The following DYSF variants were observed in gnomAD, a reference collection of about 807,000 sequenced individuals.
The protein encoded by DYSF is dysferlin.
A neutral mutation model predicts 274.9 loss-of-function variants in DYSF; 212 were observed. The observed-to-expected ratio is 0.77, with a 90% CI of 0.69 to 0.86. The LOEUF is 0.86. Among genes scored for constraint, DYSF ranks in the 40% least tolerant of loss-of-function variants. The pLI, the probability that DYSF is intolerant of heterozygous loss-of-function variation, is 0.00. For synonymous variants in DYSF, 1,091 were observed against 1,078.7 expected, an observed-to-expected ratio of 1.01 and a Z score of -0.22; for missense variants, 2,666 against 2,783.2, an observed-to-expected ratio of 0.96 and a Z score of 0.95.
chr2:71,569,125 C>T (rs999841017), intron 26 of DYSF, among the ~76,000 whole-genome samples: 12 of 150,742 alleles, frequency 8.0e-5, no homozygotes, highest in African/African-American at 2.2e-4. Flanking sequence ...CCACCCGCCT[C>T]GGCCTCCCAA....
intron 36 of DYSF, among the ~76,000 whole-genome samples, chr2:71,605,110 T>C (rs2093622252): frequency 6.6e-6 from 1 of 152,174 alleles, no homozygotes; most frequent in Non-Finnish European, 1.5e-5. Flanking sequence ...AAGGGTTTCC[T>C]TTTCGCTCTC....
intron 42 of DYSF, 45 bp from the exon 43 acceptor site, chr2:71,656,117 T>G (rs200852035): frequency 6.2e-7 from 1 of 1,613,326 alleles, no homozygotes; most frequent in Non-Finnish European, 8.5e-7. Flanking sequence ...TTGTTCTACT[T>G]TCTTTCTGTC....
chr2:71,620,209 GGGCAAGAGTCA>G (rs1458551537), intron 40 of DYSF, among the ~76,000 whole-genome samples: 1 of 152,168 alleles, frequency 6.6e-6, no homozygotes, highest in African/African-American at 2.4e-5. Flanking sequence ...ATGAGAGAGT[GGGCAAGAGTCA>G]GGCATTGGCT....
intron 1 of DYSF, 76 bp from the exon 2 acceptor site, chr2:71,480,807 C>T (rs2082819598): frequency 5.7e-6 from 8 of 1,391,308 alleles, no homozygotes; most frequent in African/African-American, 1.4e-5. Flanking sequence ...GCACAGGTCT[C>T]AGAAGCTGAG....
rs373185538 is a variant in DYSF at position 71,569,826 on chromosome 2, C to A, written c.2871C>A (p.Leu957=). 2.2e-5 allele frequency: 36 copies of A among 1,613,644 alleles called. No homozygotes were observed. Among genetic ancestry groups the A allele is most frequent in the Non-Finnish European group, 3.0e-5 (35 of 1,179,896 alleles). Reference sequence around the variant, plus strand: ...GACCAGCCCTCCTCCACAGTCTGCTCCATGACATGGACGCCGGTCACCTGA... The same window carrying A: ...GACCAGCCCTCCTCCACAGTCTGCTACATGACATGGACGCCGGTCACCTGA... The part of the protein sequence containing the change: ...DWFVCPEKTL[L]HDMDAGHLSF... Residue 957 remains leucine (L), a synonymous_variant, in exon 27 of 56, where the codon CTC becomes CTA. Transcript: ENST00000410020.
Position 71,574,282 on chromosome 2 carries a change from G to C in DYSF, c.3313G>C (p.Asp1105His), listed in dbSNP as rs767715500. 7 of 1,614,022 alleles carry C rather than the reference G, an allele frequency of 4.3e-6. No homozygotes were observed. The South Asian group carries it at 7.7e-5, about 18-fold the overall frequency. Residue 1105 changes from aspartate (D) to histidine (H), a missense_variant, in exon 30 of 56, where the codon GAT (aspartate) becomes CAT (histidine). Coordinates refer to ENST00000410020, the MANE Select transcript of DYSF (RefSeq NM_001130987.2). ...WKFHLEYRKT[D>H]AFRRRRWRRR... Reference sequence around the variant, plus strand: ...GTTCCACCTCGAGTACCGCAAGACAGATGCCTTCCGCCGCCGCCGCTGGCG... The same window carrying C: ...GTTCCACCTCGAGTACCGCAAGACACATGCCTTCCGCCGCCGCCGCTGGCG...
intron 17 of DYSF, among the ~76,000 whole-genome samples, chr2:71,540,104 C>CTTT (rs1240221196): frequency 1.4e-4 from 20 of 146,462 alleles, no homozygotes; most frequent in African/African-American, 4.7e-4. Context: ...AAGATTTCAA[C>CTTT]TTTTTTTTTC....
chr2:71,575,027 C>A (rs1377930677), intron 30 of DYSF, among the ~76,000 whole-genome samples: 3 of 152,178 alleles, frequency 2.0e-5, no homozygotes, highest in African/African-American at 7.2e-5. Context: ...GGAGCTGCTC[C>A]CTCTGAAATC....
intron 42 of DYSF, among the ~76,000 whole-genome samples, chr2:71,649,657 A>G (rs1250660293): frequency 5.3e-5 from 8 of 152,196 alleles, no homozygotes; most frequent in Non-Finnish European, 1.2e-4. Flanking sequence ...TCCGCCCCAC[A>G]CACAGAAAGT....
rs574691489 is a variant in DYSF at position 71,620,161 on chromosome 2, C to T, written c.4465-386C>T. ...GTTAGGATGCTGGGGTTGGAGTGTC[C>T]CTGAAATAGGCAGATTTTGGAGAGG... On this transcript the variant is annotated intron_variant, in intron 40 of 55. Coordinates refer to ENST00000410020, the MANE Select transcript of DYSF (RefSeq NM_001130987.2). Among the ~76,000 whole-genome samples the T allele has an allele frequency of 1.3e-3, 201 of 152,102 alleles. 1 individual carries two copies. The highest frequency in any genetic ancestry group is 4.7e-3 in the African/African-American group (196 of 41,486).
intron 43 of DYSF, among the ~76,000 whole-genome samples, chr2:71,658,229 C>G (rs765517889): frequency 7.9e-5 from 12 of 152,216 alleles, no homozygotes; most frequent in Non-Finnish European, 1.2e-4. Context: ...GTCACCTTTG[C>G]TCCAGTTCCC....
intron 40 of DYSF, among the ~76,000 whole-genome samples, chr2:71,617,716 G>T (rs2093923946): frequency 6.8e-6 from 1 of 147,942 alleles, no homozygotes; most frequent in Admixed American, 6.7e-5. Context: ...TAGAGGTGGG[G>T]TGTGTGTGTG....
In DYSF at chr2:71,640,513, A is replaced by G. The variant is rs1572900354; in HGVS notation, c.4528-3452A>G. Among the ~76,000 whole-genome samples the G allele has an allele frequency of 3.3e-5, 5 of 152,272 alleles. No homozygotes were observed. In the East Asian group the frequency reaches 7.7e-4, roughly 23 times the overall value. On this transcript the variant is annotated intron_variant, in intron 41 of 55. Transcript: ENST00000410020. ...CAATTGTAGCTGAAACCTGCTACAA[A>G]ATATATTGATATTTAAATTACCAAA...
intron 31 of DYSF, 38 bp from the exon 32 acceptor site, chr2:71,590,173 C>T (rs1190335043): frequency 6.2e-7 from 1 of 1,609,432 alleles, no homozygotes; most frequent in Non-Finnish European, 8.5e-7. Context: ...CCACTCCAGC[C>T]ACTCACTCTG....
chr2:71,579,631 G>C (rs2092821998), intron 30 of DYSF, among the ~76,000 whole-genome samples: 1 of 152,206 alleles, frequency 6.6e-6, no homozygotes, highest in African/African-American at 2.4e-5. Flanking sequence ...GACCCCAGAA[G>C]GCTGGATTCT....
At chr2:71,599,270 C>T (rs1056540375) in intron 33 of DYSF, among the ~76,000 whole-genome samples, 8 of 152,184 alleles carry the variant, frequency 5.3e-5, no homozygotes, top group East Asian at 3.9e-4. Flanking sequence ...TGGTGACAGG[C>T]GAGCTCTAGG....
rs187706014 is a variant in DYSF at position 71,476,209 on chromosome 2, T to C, written c.92-4674T>C. 4.0e-3 allele frequency among the ~76,000 whole-genome samples: 614 copies of C among 152,274 alleles called. 5 individuals are homozygous for C. The highest frequency in any genetic ancestry group is 0.014 in the African/African-American group (587 of 41,532). ...TTTACTGTTTGGACATTTGTACTGA[T>C]GGTACAACAGCAATGGCAGCTAATA... On this transcript the variant is annotated intron_variant, in intron 1 of 55. Transcript: ENST00000410020.
At chr2:71,503,753 C>G (rs1314347504) in intron 4 of DYSF, among the ~76,000 whole-genome samples, 1 of 151,230 alleles carries the variant, frequency 6.6e-6, no homozygotes, top group Non-Finnish European at 1.5e-5. Context: ...GGAAAGAGCC[C>G]TCTCCCCTGC....
intron 40 of DYSF, among the ~76,000 whole-genome samples, chr2:71,617,709 AGGT>A (rs1280280301): frequency 1.4e-5 from 1 of 71,750 alleles, no homozygotes; most frequent in Non-Finnish European, 2.8e-5. Context: ...TGTGTGGTAG[AGGT>A]GGGGTGTGTG....
Sources: gnomAD v4.1 joint callset for allele counts (sites outside exome capture counted in the v4.1 genomes callset) on GRCh38, gnomAD v4.1.1 for gene constraint, MANE v1.5 for transcripts, NCBI Gene and HGNC (gene_info 2026-07-23, HGNC 2026-07-21) for gene names.